C1QTNF7: variants seen among roughly 807,000 people sequenced by gnomAD.
The protein encoded by C1QTNF7 is C1q and TNF related 7, also known as complement C1q tumor necrosis factor-related protein 7.
Under a neutral mutation model 19.6 loss-of-function variants are expected in C1QTNF7, and 15 were observed. That is an observed-to-expected ratio of 0.76 (90% CI 0.51 to 1.18). The LOEUF (loss-of-function observed/expected upper bound fraction) is 1.18, where lower values mean the gene tolerates loss of function less well. Ranked by LOEUF, C1QTNF7 falls within the 50% of genes most tolerant of loss-of-function variation. The pLI, the probability that C1QTNF7 is intolerant of heterozygous loss-of-function variation, is 0.00. For synonymous variants in C1QTNF7, 142 were observed against 137.5 expected, an observed-to-expected ratio of 1.03 and a Z score of -0.23; for missense variants, 324 against 359.7, an observed-to-expected ratio of 0.90 and a Z score of 0.80.
chr4:15,424,183 C>T (rs1450415647), upstream of C1QTNF7, among the ~76,000 whole-genome samples: 1 of 152,114 alleles, frequency 6.6e-6, no homozygotes, highest in Non-Finnish European at 1.5e-5. Flanking sequence ...ATTAAAAAGA[C>T]AAATCTCAAT....
At position 15,444,599 on chromosome 4, in the gene C1QTNF7, A is replaced by C. The variant is rs1397893173; in HGVS notation, c.*1800A>C. On this transcript the variant is annotated 3_prime_UTR_variant, in exon 3 of 3. Coordinates refer to ENST00000444304, the MANE Select transcript of C1QTNF7 (RefSeq NM_031911.5). ...ATACCAGAAAGGAAATGGCATGCAC[A>C]CACACAAAAAATACCTAAATTTTGG... 1.3e-5 allele frequency: 2 copies of C among 152,250 alleles called. No homozygotes were observed. Among genetic ancestry groups the C allele is most frequent in the Non-Finnish European group, 2.9e-5 (2 of 68,060 alleles). The allele number at this position is 152,250 out of a possible 1,614,324, so 9.4% of individuals were successfully genotyped here.
chr4:15,406,380 A>T (rs941790063), intron 1 of C1QTNF7, among the ~76,000 whole-genome samples: 1 of 152,208 alleles, frequency 6.6e-6, no homozygotes, highest in African/African-American at 2.4e-5. Flanking sequence ...GTAGAAGCAC[A>T]CTGAGGACAC....
intron 1 of C1QTNF7, among the ~76,000 whole-genome samples, chr4:15,391,365 G>T (rs919801099): frequency 6.6e-6 from 1 of 151,982 alleles, no homozygotes; most frequent in African/African-American, 2.4e-5. Flanking sequence ...TCTAACTTGA[G>T]CCACGGAATA....
At chr4:15,411,723 A>C (rs1719409764) in intron 1 of C1QTNF7, among the ~76,000 whole-genome samples, 1 of 152,172 alleles carries the variant, frequency 6.6e-6, no homozygotes, top group Non-Finnish European at 1.5e-5. Context: ...TAACGGCTAT[A>C]ACAAATTATC....
chr4:15,383,809 G>A (rs1179559808), intron 1 of C1QTNF7, among the ~76,000 whole-genome samples: 1 of 152,204 alleles, frequency 6.6e-6, no homozygotes, highest in Non-Finnish European at 1.5e-5. Context: ...AACCTGCCAG[G>A]TCCACCTTCC....
chr4:15,432,205 C>G lies in C1QTNF7; in HGVS notation c.-8-3531C>G, dbSNP rs112849738. Among the ~76,000 whole-genome samples, 132 of 152,254 alleles carry G rather than the reference C, an allele frequency of 8.7e-4. 1 individual carries two copies. Among genetic ancestry groups the G allele is most frequent in the African/African-American group, 3.1e-3 (127 of 41,558 alleles). ...AGGGAAATAAGGAGGGCCTTGTAGACCATCGCACCATGTAACATGAAGCTT... is the reference window on the plus strand; with the variant it reads ...AGGGAAATAAGGAGGGCCTTGTAGAGCATCGCACCATGTAACATGAAGCTT... On this transcript the variant is annotated intron_variant, in intron 1 of 2. Coordinates refer to ENST00000444304, the MANE Select transcript of C1QTNF7 (RefSeq NM_031911.5).
chr4:15,363,518 C>A (rs907015167), intron 1 of C1QTNF7, among the ~76,000 whole-genome samples: 3 of 152,088 alleles, frequency 2.0e-5, no homozygotes, highest in Non-Finnish European at 4.4e-5. Flanking sequence ...TGTGAAACCA[C>A]CTGAGCCTTT....
chr4:15,410,766 G>A (rs1224689280), intron 1 of C1QTNF7, among the ~76,000 whole-genome samples: 4 of 152,148 alleles, frequency 2.6e-5, no homozygotes, highest in South Asian at 2.1e-4. Context: ...AGGATTTCAC[G>A]TGAATATGCT....
intron 1 of C1QTNF7, among the ~76,000 whole-genome samples, chr4:15,409,084 C>G (rs1719309121): frequency 1.3e-5 from 2 of 152,180 alleles, no homozygotes; most frequent in African/African-American, 4.8e-5. Context: ...GATCAATTTT[C>G]AATTCCACTT....
chr4:15,391,467 GA>G (rs1718556086), intron 1 of C1QTNF7, among the ~76,000 whole-genome samples: 1 of 152,160 alleles, frequency 6.6e-6, no homozygotes, highest in South Asian at 2.1e-4. Context: ...GGAAAATTAA[GA>G]GGCTATTTCC....
In C1QTNF7 at chr4:15,435,848, C is replaced by T. The variant is rs1278646263; in HGVS notation, c.105C>T (p.Ser35=). The change falls in exon 2 of 3, where the codon AGC becomes AGT. Residue 35 remains serine (S), a synonymous_variant. Transcript: ENST00000444304. The part of the protein sequence containing the change: ...GENYSPRYIC[S]IPGLPGPPGP... The stretch of plus-strand genomic sequence containing the variant: ...ACTACTCCCCCAGGTATATCTGCAG[C>T]ATTCCTGGCTTGCCTGGACCTCCAG... 6.2e-7 allele frequency: 1 copy of T among 1,614,034 alleles called. No individual in the cohort carries two copies. Among genetic ancestry groups the T allele is most frequent in the Non-Finnish European group, 8.5e-7 (1 of 1,180,038 alleles).
At chr4:15,374,001 C>T (rs1312976981) in intron 1 of C1QTNF7, 4 of 152,204 alleles carry the variant, frequency 2.6e-5, no homozygotes, top group African/African-American at 7.2e-5. Context: ...GTTACTATTA[C>T]GATTTTCATT....
intron 1 of C1QTNF7, among the ~76,000 whole-genome samples, chr4:15,394,890 G>T (rs1190823111): frequency 6.6e-6 from 1 of 152,138 alleles, no homozygotes; most frequent in Non-Finnish European, 1.5e-5. Flanking sequence ...AAGACAATTT[G>T]AACACCTCAA....
intron 1 of C1QTNF7, among the ~76,000 whole-genome samples, chr4:15,401,939 T>C (rs574378886): frequency 2.0e-5 from 3 of 152,140 alleles, no homozygotes; most frequent in African/African-American, 4.8e-5. Flanking sequence ...GAGGCTGACA[T>C]ACCCAAATTG....
rs114005368 is a variant in C1QTNF7 at position 15,393,529 on chromosome 4, A to T, written c.14-42207A>T. ...ATTAAAACGCAGACTCTCGAGCCCAACACCCAAAGATCTTTATTCTGGAAA... is the reference window on the plus strand; with the variant it reads ...ATTAAAACGCAGACTCTCGAGCCCATCACCCAAAGATCTTTATTCTGGAAA... On this transcript the variant is annotated intron_variant, in intron 1 of 2. Transcript: ENST00000295297. Among the ~76,000 whole-genome samples, 513 of 152,334 alleles carry T rather than the reference A, an allele frequency of 3.4e-3. 4 individuals carry two copies. Among genetic ancestry groups the T allele is most frequent in the African/African-American group, 0.011 (475 of 41,578 alleles).
At chr4:15,368,925 T>C (rs1366039692) in intron 1 of C1QTNF7, among the ~76,000 whole-genome samples, 1 of 152,216 alleles carries the variant, frequency 6.6e-6, no homozygotes, top group Admixed American at 6.5e-5. Context: ...AAATGGTGAA[T>C]GTAAAGCGAA....
rs1712909595 is a variant in C1QTNF7 at position 15,444,364 on chromosome 4, T to C, written c.*1565T>C. Reference sequence around the variant, plus strand: ...AAATTTTACTGTCGAAAATGCAAACTTGGGGAGGGCGGAAACATCACACAC... The same window carrying C: ...AAATTTTACTGTCGAAAATGCAAACCTGGGGAGGGCGGAAACATCACACAC... On this transcript the variant is annotated 3_prime_UTR_variant, in exon 3 of 3. Coordinates refer to ENST00000444304, the MANE Select transcript of C1QTNF7 (RefSeq NM_031911.5). 3 of 152,122 alleles carry C rather than the reference T, an allele frequency of 2.0e-5. No homozygotes were observed. In the South Asian group the frequency reaches 6.2e-4, roughly 32 times the overall value. The allele number at this position is 152,122 out of a possible 1,614,324, so 9.4% of individuals were successfully genotyped here.
rs192586525 is a variant in C1QTNF7, at chr4:15,444,038, C to T, written c.*1239C>T. 1.1e-4 allele frequency: 16 copies of T among 152,310 alleles called. No homozygotes were observed. The highest frequency in any genetic ancestry group is 3.8e-4 in the African/African-American group (16 of 41,562). 9.4% of individuals were successfully genotyped at this position (152,310 alleles called of 1,614,324 possible). ...TTGCTTGTGTCAGCACCTTGTTCTT[C>T]ACTGAACTGCAATTCTTCAATTATT... On this transcript the variant is annotated 3_prime_UTR_variant, in exon 3 of 3. Transcript: ENST00000444304.
intron 1 of C1QTNF7, among the ~76,000 whole-genome samples, chr4:15,367,871 T>G (rs984983709): frequency 1.3e-5 from 2 of 152,110 alleles, no homozygotes; most frequent in Admixed American, 6.6e-5. Context: ...GATTTTGTAA[T>G]CAACATTATT....
Sources: allele counts gnomAD v4.1 joint callset (sites outside exome capture counted in the v4.1 genomes callset), GRCh38; gene constraint gnomAD v4.1.1; transcripts MANE v1.5; gene names NCBI Gene and HGNC (gene_info 2026-07-23, HGNC 2026-07-21).